CDK12: variants seen among roughly 807,000 people sequenced by gnomAD.
CDK12 encodes the protein cyclin dependent kinase 12, also known as cyclin-dependent kinase 12.
Under a neutral mutation model 133.8 loss-of-function variants are expected in CDK12, and 17 were observed. That is an observed-to-expected ratio of 0.13 (90% CI 0.09 to 0.19). The LOEUF (loss-of-function observed/expected upper bound fraction) is 0.19, where lower values mean the gene tolerates loss of function less well. Ranked by LOEUF, CDK12 falls within the 10% of genes least tolerant of loss-of-function variation. The pLI, the probability that CDK12 is intolerant of heterozygous loss-of-function variation, is 1.00. For missense variants in CDK12, 1,508 were observed against 1,818.7 expected, an observed-to-expected ratio of 0.83 and a Z score of 3.11; for synonymous variants, 694 against 683.6, an observed-to-expected ratio of 1.02 and a Z score of -0.24.
chr17:39,494,745 CT>C lies in CDK12; in HGVS notation c.2419+54del, dbSNP rs1294174739. 2.5e-6 allele frequency: 3 copies of C among 1,215,662 alleles called. No individual in the cohort carries two copies. The African/African-American group carries it at 4.7e-5, about 19-fold the overall frequency. 75.3% of individuals were successfully genotyped at this position (1,215,662 alleles called of 1,614,324 possible). On this transcript the variant is annotated intron_variant, in intron 5 of 13. Transcript: ENST00000447079. ...CAGGGTAGACTGGTCCAATCTTTGC[CT>C]TTCTTTTTTTTTTTCTTTCTTTCTT...
chr17:39,502,615 CAAA>C (rs2052803388), intron 6 of CDK12, among the ~76,000 whole-genome samples: 1 of 152,012 alleles, frequency 6.6e-6, no homozygotes, highest in Non-Finnish European at 1.5e-5. Flanking sequence ...CACTGGAACT[CAAA>C]ACTTTTGCAG....
In CDK12 at chr17:39,471,622, C is replaced by T. The variant is rs1213766602; in HGVS notation, c.1790C>T (p.Ser597Phe). 1 of 1,614,168 alleles carries T rather than the reference C, an allele frequency of 6.2e-7. No individual in the cohort carries two copies. The highest frequency in any genetic ancestry group is 8.5e-7 in the Non-Finnish European group (1 of 1,180,024). The stretch of plus-strand genomic sequence containing the variant: ...CACTCAAAGACATCTGCTGTGTCCT[C>T]TCAGGCAAATTCTCAGCCCCCTGTA... ...STHSKTSAVSSQANSQPPVQV... is the reference protein window; with the variant it reads ...STHSKTSAVSFQANSQPPVQV... The change falls in exon 2 of 14, where the codon TCT (serine) becomes TTT (phenylalanine). Residue 597 changes from serine (S) to phenylalanine (F), a missense_variant. By Grantham distance (155) the Ser-to-Phe change is radical. Around this residue, in one of 9 missense-constraint regions of CDK12, gnomAD observed 347 missense variants for 330.8 expected, o/e 1.05. Transcript: ENST00000447079.
At chr17:39,548,722 G>A (rs2055828674), upstream of CDK12, among the ~76,000 whole-genome samples, 1 of 152,150 alleles carries the variant, frequency 6.6e-6, no homozygotes, top group African/African-American at 2.4e-5. Context: ...GGGCTGCTTT[G>A]GGCCATGAGC....
At chr17:39,499,220 T>C (rs535783402) in intron 5 of CDK12, among the ~76,000 whole-genome samples, 1 of 106,452 alleles carries the variant, frequency 9.4e-6, no homozygotes, top group Admixed American at 1.0e-4. Flanking sequence ...TTTTTTTTTT[T>C]TTTTGAGACA....
chr17:39,527,219 T>C (rs1437178058), intron 13 of CDK12, among the ~76,000 whole-genome samples: 1 of 152,256 alleles, frequency 6.6e-6, no homozygotes, highest in Non-Finnish European at 1.5e-5. Context: ...TATGAGGTGG[T>C]GCAGAAAGTA....
chr17:39,506,411 C>T (rs946413034), intron 6 of CDK12, among the ~76,000 whole-genome samples: 2 of 151,206 alleles, frequency 1.3e-5, no homozygotes, highest in Non-Finnish European at 1.5e-5. Flanking sequence ...GACGGGGTTT[C>T]ACCATGTTGG....
intron 1 of CDK12, among the ~76,000 whole-genome samples, chr17:39,467,821 T>C (rs1210703835): frequency 6.6e-6 from 1 of 152,092 alleles, no homozygotes; most frequent in African/African-American, 2.4e-5. Flanking sequence ...ATCAGTACCT[T>C]TCAGTATTTT....
chr17:39,552,063 C>T (rs1022674354), intron 2 of CDK12, among the ~76,000 whole-genome samples: 1 of 152,090 alleles, frequency 6.6e-6, no homozygotes, highest in Non-Finnish European at 1.5e-5. Flanking sequence ...TCCCCAAATC[C>T]CCTGAGAAGA....
At chr17:39,477,350 C>T (rs559139760) in intron 2 of CDK12, among the ~76,000 whole-genome samples, 3 of 152,018 alleles carry the variant, frequency 2.0e-5, no homozygotes, top group Admixed American at 2.0e-4. Flanking sequence ...ATTTTCCTGC[C>T]TCAGCCTCCC....
At chr17:39,467,142 C>T (rs2049396406) in intron 1 of CDK12, among the ~76,000 whole-genome samples, 1 of 151,968 alleles carries the variant, frequency 6.6e-6, no homozygotes, top group Non-Finnish European at 1.5e-5. Context: ...CCATGCCCAG[C>T]TAATTTTTGT....
At chr17:39,562,147 C>T (rs1407946089) in intron 3 of CDK12, among the ~76,000 whole-genome samples, 1 of 152,082 alleles carries the variant, frequency 6.6e-6, no homozygotes, top group Non-Finnish European at 1.5e-5. Flanking sequence ...ACCATGTTGG[C>T]CAGGCTGGTC....
intron 2 of CDK12, among the ~76,000 whole-genome samples, chr17:39,556,103 C>G (rs1039976187): frequency 1.3e-5 from 2 of 152,008 alleles, no homozygotes; most frequent in Non-Finnish European, 2.9e-5. Flanking sequence ...TTCTCAAACC[C>G]TATTTTCTGC....
downstream of CDK12, among the ~76,000 whole-genome samples, chr17:39,539,521 C>G (rs781240395): frequency 6.6e-6 from 1 of 152,014 alleles, no homozygotes; most frequent in Admixed American, 6.6e-5. Flanking sequence ...ATAGTTATAC[C>G]ATGAGGGCTG....
intron 7 of CDK12, among the ~76,000 whole-genome samples, chr17:39,510,022 G>A (rs2053382366): frequency 6.6e-6 from 1 of 151,228 alleles, no homozygotes; most frequent in Non-Finnish European, 1.5e-5. Context: ...GGTTAGTCTT[G>A]AACTCCTGGG....
At chr17:39,523,106 A>G (rs1304463494) in intron 11 of CDK12, among the ~76,000 whole-genome samples, 2 of 152,180 alleles carry the variant, frequency 1.3e-5, no homozygotes, top group Non-Finnish European at 2.9e-5. Flanking sequence ...TCTCTATTTA[A>G]TTAAAATCTT....
intron 3 of CDK12, among the ~76,000 whole-genome samples, chr17:39,556,618 G>A (rs914505486): frequency 6.6e-6 from 1 of 152,090 alleles, no homozygotes; most frequent in Non-Finnish European, 1.5e-5. Flanking sequence ...ACAACCTCCT[G>A]GCTTTTTCCC....
At chr17:39,492,099 CTTT>C (rs781378233) in intron 3 of CDK12, among the ~76,000 whole-genome samples, 2 of 127,030 alleles carry the variant, frequency 1.6e-5, no homozygotes, top group Non-Finnish European at 1.7e-5. Context: ...ATTTTCTTTT[CTTT>C]TTTTTTTTTT....
chr17:39,506,212 ATT>A (rs1177367409), intron 6 of CDK12, among the ~76,000 whole-genome samples: 40 of 119,744 alleles, frequency 3.3e-4, no homozygotes, highest in East Asian at 6.8e-4. Context: ...TGATTATATG[ATT>A]TTTTTTTTTT....
chr17:39,535,730 T>C (rs981581158), downstream of CDK12, among the ~76,000 whole-genome samples: 6 of 152,192 alleles, frequency 3.9e-5, no homozygotes, highest in African/African-American at 1.4e-4. Flanking sequence ...CATCCTTAAC[T>C]GTATGGTTAA....
Sources: gnomAD v4.1 joint callset for allele counts (sites outside exome capture counted in the v4.1 genomes callset) on GRCh38, gnomAD v4.1.1 for gene constraint, gnomAD v4.1.1 regional missense constraint, MANE v1.5 for transcripts, NCBI Gene and HGNC (gene_info 2026-07-23, HGNC 2026-07-21) for gene names.